The following NFATC3 variants were observed in gnomAD, a reference collection of about 807,000 sequenced individuals.
The protein encoded by NFATC3 is nuclear factor of activated T cells 3, also known as nuclear factor of activated T-cells, cytoplasmic 3.
NFATC3 carries 46 observed loss-of-function variants against 98.6 expected under a neutral mutation model. That is an observed-to-expected ratio of 0.47 (90% CI 0.37 to 0.60). The LOEUF is 0.60. Ranked by LOEUF, NFATC3 falls within the 20% of genes least tolerant of loss-of-function variation. The pLI is 0.00. For missense variants in NFATC3, 1,256 were observed against 1,295.5 expected, an observed-to-expected ratio of 0.97 and a Z score of 0.47; for synonymous variants, 512 against 472.2, an observed-to-expected ratio of 1.08 and a Z score of -1.09.
intron 5 of NFATC3, among the ~76,000 whole-genome samples, chr16:68,167,748 A>G (rs1283800482): frequency 6.7e-6 from 1 of 149,936 alleles, no homozygotes. Context: ...GCTGCCTAGA[A>G]AACAGGTTTT....
At chr16:68,192,572 T>A (rs890702834) in intron 9 of NFATC3, among the ~76,000 whole-genome samples, 1 of 151,992 alleles carries the variant, frequency 6.6e-6, no homozygotes, top group Non-Finnish European at 1.5e-5. Flanking sequence ...TAAGATAGAA[T>A]TCTCGGCCAG....
chr16:68,137,256 A>AATTTTTT (rs1043307782), intron 3 of NFATC3, among the ~76,000 whole-genome samples: 3 of 152,242 alleles, frequency 2.0e-5, no homozygotes, highest in African/African-American at 7.2e-5. Context: ...TCTATGTTCA[A>AATTTTTT]ATTTTTTATT....
chr16:68,150,412 TAAAAAAAAAAA>T (rs60606928), intron 3 of NFATC3, among the ~76,000 whole-genome samples: 1 of 81,080 alleles, frequency 1.2e-5, no homozygotes, highest in African/African-American at 4.1e-5. Flanking sequence ...CTTCTATATC[TAAAAAAAAAAA>T]AAAAAAAAAA....
intron 1 of NFATC3, among the ~76,000 whole-genome samples, chr16:68,090,333 A>G (rs1294365855): frequency 1.7e-5 from 2 of 119,186 alleles, no homozygotes; most frequent in African/African-American, 3.4e-5. Flanking sequence ...ACACACACAC[A>G]CACACACGCA....
chr16:68,198,005 A>G (rs1345074841), intron 9 of NFATC3, among the ~76,000 whole-genome samples: 1 of 152,178 alleles, frequency 6.6e-6, no homozygotes, highest in Admixed American at 6.6e-5. Flanking sequence ...AGAAGATAGT[A>G]ATGTAACTCA....
intron 5 of NFATC3, among the ~76,000 whole-genome samples, chr16:68,172,758 T>A (rs2039522716): frequency 6.6e-6 from 1 of 152,118 alleles, no homozygotes; most frequent in African/African-American, 2.4e-5. Flanking sequence ...TCATCCTTGG[T>A]GACAGTGCAT....
Position 68,122,579 on chromosome 16 carries a change from A to G in NFATC3, c.696A>G (p.Gly232=), listed in dbSNP as rs765475254. ...EETWHQQYGL[G]HSLSPRQSPC... is the part of the protein sequence containing the mutation. ...CTTGGCATCAACAGTATGGACTTGGACACTCATTATCACCCAGGCAATCTC... is the reference window on the plus strand; with the variant it reads ...CTTGGCATCAACAGTATGGACTTGGGCACTCATTATCACCCAGGCAATCTC... Residue 232 remains glycine, a synonymous_variant, in exon 2 of 10, where the codon GGA becomes GGG. Coordinates refer to ENST00000346183, the MANE Select transcript of NFATC3 (RefSeq NM_173165.3). 4 of 1,613,998 alleles carry G rather than the reference A, an allele frequency of 2.5e-6. No homozygotes were observed. The highest frequency in any genetic ancestry group is 3.3e-4 in the Middle Eastern group (2 of 6,062).
chr16:68,092,231 G>A (rs1567492280), intron 1 of NFATC3, among the ~76,000 whole-genome samples: 1 of 151,862 alleles, frequency 6.6e-6, no homozygotes. Context: ...TGAGGCGGGT[G>A]GATCACCTGA....
At position 68,122,739 on chromosome 16, in the gene NFATC3, T is replaced by A. The variant is rs1190481857; in HGVS notation, c.856T>A (p.Ser286Thr). 6.2e-7 allele frequency: 1 copy of A among 1,614,194 alleles called. No homozygotes were observed. Among genetic ancestry groups the A allele is most frequent in the South Asian group, 1.1e-5 (1 of 91,090 alleles). The change falls in exon 2 of 10, where the codon TCC becomes ACC. Residue 286 changes from serine (S) to threonine (T), a missense_variant. Ser to Thr is a moderately conservative substitution (Grantham distance 58, BLOSUM62 1). This residue lies in a region of NFATC3 where 464 missense variants were observed against 465.7 expected (regional missense o/e 1.00). Coordinates refer to ENST00000346183, the MANE Select transcript of NFATC3 (RefSeq NM_173165.3). ...HSSAEVCYAGSLSPHHSPVPS... is the reference protein window; with the variant it reads ...HSSAEVCYAGTLSPHHSPVPS... ...CAGTGCTGAAGTTTGTTATGCTGGG[T>A]CCCTTTCACCCCATCACTCACCTGT...
At chr16:68,138,588 T>C in intron 3 of NFATC3, 1 of 1,289,214 alleles carries the variant, frequency 7.8e-7, no homozygotes, top group Non-Finnish European at 1.0e-6. Context: ...AGAAGGTGTA[T>C]GGAAAGCACT....
chr16:68,153,487 A>G (rs1366788421), intron 3 of NFATC3, among the ~76,000 whole-genome samples: 1 of 152,212 alleles, frequency 6.6e-6, no homozygotes, highest in Non-Finnish European at 1.5e-5. Context: ...TGGCTAGGCT[A>G]AAAGCATATA....
intron 1 of NFATC3, among the ~76,000 whole-genome samples, chr16:68,117,338 A>G (rs2036331609): frequency 6.6e-6 from 1 of 152,188 alleles, no homozygotes; most frequent in South Asian, 2.1e-4. Context: ...TCCTAAATTT[A>G]TATCAGATCA....
intron 4 of NFATC3, among the ~76,000 whole-genome samples, chr16:68,160,186 T>C (rs1389104948): frequency 6.6e-6 from 1 of 152,192 alleles, no homozygotes; most frequent in Non-Finnish European, 1.5e-5. Flanking sequence ...GAAACTGATA[T>C]GTTTCTATTA....
At chr16:68,210,775 AGTTTTTTT>A (rs1219118569) in intron 9 of NFATC3, among the ~76,000 whole-genome samples, 3 of 151,904 alleles carry the variant, frequency 2.0e-5, no homozygotes, top group Admixed American at 1.3e-4. Flanking sequence ...AATATTCTGT[AGTTTTTTT>A]GTTTTTTTGT....
At chr16:68,092,974 C>G (rs1200020246) in intron 1 of NFATC3, among the ~76,000 whole-genome samples, 2 of 152,140 alleles carry the variant, frequency 1.3e-5, no homozygotes, top group South Asian at 2.1e-4. Flanking sequence ...ATAGTTTTCT[C>G]TTCGTATTTT....
At chr16:68,146,648 A>T (rs2038053306) in intron 3 of NFATC3, among the ~76,000 whole-genome samples, 1 of 152,208 alleles carries the variant, frequency 6.6e-6, no homozygotes, top group Non-Finnish European at 1.5e-5. Flanking sequence ...TTTAGAGCCC[A>T]TTCCCCCAAC....
intron 9 of NFATC3, among the ~76,000 whole-genome samples, chr16:68,201,957 C>CAAA (rs778770193): frequency 1.7e-4 from 4 of 23,620 alleles, no homozygotes; most frequent in East Asian, 2.3e-3. Context: ...GACTCCATCT[C>CAAA]AAAAAAAAAA....
At chr16:68,103,800 T>G (rs1437486221) in intron 1 of NFATC3, among the ~76,000 whole-genome samples, 1 of 152,220 alleles carries the variant, frequency 6.6e-6, no homozygotes, top group Admixed American at 6.5e-5. Context: ...TTGAAGGAAC[T>G]ATTCTTTTTC....
At chr16:68,085,968 C>T (rs555376297) in intron 1 of NFATC3, 184 bp downstream of exon 1, 20 of 459,312 alleles carry the variant, frequency 4.4e-5, no homozygotes, top group African/African-American at 3.9e-4. Context: ...GTCGCTGCGA[C>T]GTGGAAGTGG....
Sources: gnomAD v4.1 joint callset for allele counts (sites outside exome capture counted in the v4.1 genomes callset) on GRCh38, gnomAD v4.1.1 for gene constraint, gnomAD v4.1.1 regional missense constraint, MANE v1.5 for transcripts, NCBI Gene and HGNC (gene_info 2026-07-23, HGNC 2026-07-21) for gene names.